The following CNTN4 variants were observed in gnomAD, a reference collection of about 807,000 sequenced individuals.
The protein encoded by CNTN4 is contactin-4.
A neutral mutation model predicts 122.5 loss-of-function variants in CNTN4; 77 were observed. That is an observed-to-expected ratio of 0.63 (90% confidence interval 0.52 to 0.76). CNTN4 has a LOEUF of 0.76. Among genes scored for constraint, CNTN4 ranks in the 30% least tolerant of loss-of-function variants. The pLI is 0.00. For missense variants in CNTN4, 1,256 were observed against 1,259.1 expected (o/e 1.00, Z 0.04); for synonymous variants, 512 against 447.0 (o/e 1.15, Z -1.83).
chr3:2,375,473 T>C (rs2045781965), intron 3 of CNTN4, among the ~76,000 whole-genome samples: 1 of 152,172 alleles, frequency 6.6e-6, no homozygotes, highest in Admixed American at 6.5e-5. Context: ...CTCCATAATA[T>C]GACAGCCTAA....
chr3:2,979,584 G>T (rs1039240009), intron 13 of CNTN4, among the ~76,000 whole-genome samples: 1 of 151,442 alleles, frequency 6.6e-6, no homozygotes, highest in Non-Finnish European at 1.5e-5. Context: ...GTATAAAAGA[G>T]AGTAGAAGCC....
intron 3 of CNTN4, among the ~76,000 whole-genome samples, chr3:2,467,130 T>TG (rs932081436): frequency 2.1e-5 from 3 of 145,762 alleles, no homozygotes; most frequent in African/African-American, 7.9e-5. Context: ...TGCAAAATTA[T>TG]GGGTTTTTTT....
intron 6 of CNTN4, among the ~76,000 whole-genome samples, chr3:2,815,772 A>G (rs1456140698): frequency 6.6e-6 from 1 of 152,090 alleles, no homozygotes; most frequent in Non-Finnish European, 1.5e-5. Context: ...TTTAAAAAAG[A>G]TACTTGCACA....
intron 3 of CNTN4, among the ~76,000 whole-genome samples, chr3:2,407,370 A>G (rs1227590946): frequency 8.5e-5 from 13 of 152,150 alleles, no homozygotes; most frequent in Admixed American, 8.5e-4. Flanking sequence ...CTAGGTTTTT[A>G]AAGGAATTTT....
At chr3:2,107,626 A>C (rs2125114324) in intron 2 of CNTN4, among the ~76,000 whole-genome samples, 1 of 152,218 alleles carries the variant, frequency 6.6e-6, no homozygotes, top group African/African-American at 2.4e-5. Flanking sequence ...ACAGAACCAA[A>C]CCATATCAGC....
At chr3:2,260,861 G>A (rs2040807685) in intron 2 of CNTN4, among the ~76,000 whole-genome samples, 1 of 151,574 alleles carries the variant, frequency 6.6e-6, no homozygotes, top group Non-Finnish European at 1.5e-5. Context: ...CTGAGTAGCT[G>A]GGATTACAGG....
intron 3 of CNTN4, among the ~76,000 whole-genome samples, chr3:2,460,755 T>C (rs1047009590): frequency 6.6e-6 from 1 of 152,218 alleles, no homozygotes; most frequent in African/African-American, 2.4e-5. Context: ...CTATTAAATG[T>C]GAGGGGCATC....
chr3:2,680,516 C>T (rs1316434229), intron 4 of CNTN4, among the ~76,000 whole-genome samples: 1 of 152,166 alleles, frequency 6.6e-6, no homozygotes, highest in Non-Finnish European at 1.5e-5. Flanking sequence ...AGAAGACTCA[C>T]TATTTCCTCT....
Position 2,736,284 on chromosome 3 carries a change from A to G in CNTN4, c.125A>G (p.Glu42Gly). 6.2e-7 allele frequency: 1 copy of G among 1,613,654 alleles called. No homozygotes were observed. The highest frequency in any genetic ancestry group is 8.5e-7 in the Non-Finnish European group (1 of 1,179,762). Reference sequence around the variant, plus strand: ...CCTGTAATGTTCCCTTTGGATTCTGAGGAGAAAAAAGTGAAGCTCAATTGT... The same window carrying G: ...CCTGTAATGTTCCCTTTGGATTCTGGGGAGAAAAAAGTGAAGCTCAATTGT... ...PSPVMFPLDSEEKKVKLNCEV... is the reference protein window; with the variant it reads ...PSPVMFPLDSGEKKVKLNCEV... Residue 42 changes from glutamate to glycine, a missense_variant, in exon 5 of 25, where the codon GAG becomes GGG. Glu to Gly is a moderately conservative substitution (Grantham distance 98, BLOSUM62 -2). Coordinates refer to ENST00000418658, the MANE Select transcript of CNTN4 (RefSeq NM_175607.3).
intron 4 of CNTN4, among the ~76,000 whole-genome samples, chr3:2,705,316 C>T (rs560679773): frequency 1.3e-4 from 18 of 139,526 alleles, no homozygotes; most frequent in African/African-American, 1.9e-4. Flanking sequence ...TGCAGTGAGC[C>T]GAGATTGTGC....
At chr3:2,530,877 A>C (rs946918110) in intron 3 of CNTN4, among the ~76,000 whole-genome samples, 3 of 152,164 alleles carry the variant, frequency 2.0e-5, no homozygotes, top group Non-Finnish European at 4.4e-5. Flanking sequence ...AAATTTCAGG[A>C]AAAAGAGGAC....
At chr3:2,348,180 T>A (rs993664179) in intron 3 of CNTN4, among the ~76,000 whole-genome samples, 3 of 152,252 alleles carry the variant, frequency 2.0e-5, no homozygotes, top group Admixed American at 1.3e-4. Context: ...AAAGGTCACA[T>A]ATCAGTTTTT....
intron 10 of CNTN4, chr3:2,892,226 C>A (rs1349297602): frequency 6.6e-6 from 1 of 152,098 alleles, no homozygotes; most frequent in African/African-American, 2.4e-5. Flanking sequence ...TTCTATGTTC[C>A]CAGTGGGAAC....
chr3:2,671,568 C>A (rs2084515339), intron 4 of CNTN4, among the ~76,000 whole-genome samples: 1 of 152,132 alleles, frequency 6.6e-6, no homozygotes, highest in Admixed American at 6.5e-5. Context: ...GTTTGATCAT[C>A]TGAAGCCTTC....
At chr3:2,655,317 A>G (rs2083538422) in intron 4 of CNTN4, among the ~76,000 whole-genome samples, 1 of 152,176 alleles carries the variant, frequency 6.6e-6, no homozygotes, top group Non-Finnish European at 1.5e-5. Flanking sequence ...TGTGTGCACT[A>G]TTGCATCACT....
intron 7 of CNTN4, among the ~76,000 whole-genome samples, chr3:2,835,627 C>T (rs1006237242): frequency 9.2e-5 from 14 of 151,882 alleles, no homozygotes; most frequent in African/African-American, 1.2e-4. Context: ...TTTTAAAAAC[C>T]GTCCCATGCA....
chr3:2,794,411 A>G (rs919071675), intron 6 of CNTN4, among the ~76,000 whole-genome samples: 5 of 152,236 alleles, frequency 3.3e-5, no homozygotes, highest in Admixed American at 2.0e-4. Flanking sequence ...AGTCCCAAAA[A>G]GGAGATACAA....
At chr3:3,030,588 C>A (rs1204062458) in intron 15 of CNTN4, among the ~76,000 whole-genome samples, 1 of 152,194 alleles carries the variant, frequency 6.6e-6, no homozygotes, top group Non-Finnish European at 1.5e-5. Context: ...TAGCATGTAA[C>A]TTACGTCCTT....
At chr3:2,172,919 G>C (rs574024827) in intron 2 of CNTN4, among the ~76,000 whole-genome samples, 1 of 152,328 alleles carries the variant, frequency 6.6e-6, no homozygotes, top group South Asian at 2.1e-4. Flanking sequence ...GGGGCCAAAA[G>C]AGAAGAAAGG....
Sources: allele counts gnomAD v4.1 joint callset (sites outside exome capture counted in the v4.1 genomes callset), GRCh38; gene constraint gnomAD v4.1.1; transcripts MANE v1.5; gene names NCBI Gene and HGNC (gene_info 2026-07-23, HGNC 2026-07-21).